Variants in LUZP2 observed in about 807,000 individuals in gnomAD.
The protein encoded by LUZP2 is leucine zipper protein 2.
LUZP2 carries 52 observed loss-of-function variants against 51.6 expected under a neutral mutation model. The observed-to-expected ratio is 1.01, with a 90% confidence interval of 0.81 to 1.27. The LOEUF is 1.27. Among genes scored for constraint, LUZP2 ranks in the 50% most tolerant of loss-of-function variants. The probability of loss-of-function intolerance (pLI) is 0.00; values close to 1 mark genes in which losing one functional copy is unlikely to be tolerated. For synonymous variants in LUZP2, 154 were observed against 137.3 expected (o/e 1.12, Z -0.85); for missense variants, 436 against 395.4 (o/e 1.10, Z -0.87).
At chr11:24,695,404 A>G (rs1018773882) in intron 1 of LUZP2, among the ~76,000 whole-genome samples, 2 of 152,074 alleles carry the variant, frequency 1.3e-5, no homozygotes, top group Non-Finnish European at 2.9e-5. Context: ...TACATTGTGT[A>G]ATGATAAAAT....
At chr11:24,535,832 G>A (rs143992149) in intron 1 of LUZP2, among the ~76,000 whole-genome samples, 139 of 151,696 alleles carry the variant, frequency 9.2e-4, no homozygotes, top group African/African-American at 2.8e-3. Flanking sequence ...GAATCCTTTC[G>A]AGGTTTAAAA....
intron 7 of LUZP2, among the ~76,000 whole-genome samples, chr11:24,975,519 A>G (rs1298599113): frequency 6.6e-6 from 1 of 152,110 alleles, no homozygotes; most frequent in African/African-American, 2.4e-5. Context: ...AGTGAAGAAC[A>G]CAGAGATTAA....
chr11:24,638,819 G>T (rs140838351), intron 1 of LUZP2, among the ~76,000 whole-genome samples: 2,133 of 151,558 alleles, frequency 0.014, 81 homozygotes, highest in Admixed American at 0.077. Context: ...TAGTATTAGG[G>T]ATGAGAATGG....
chr11:24,933,780 C>T (rs1034631124), intron 7 of LUZP2, among the ~76,000 whole-genome samples: 2 of 152,082 alleles, frequency 1.3e-5, no homozygotes, highest in African/African-American at 4.8e-5. Context: ...TTTTAATTAC[C>T]TGGGTGCAGG....
At chr11:24,527,187 T>C (rs543684210) in intron 1 of LUZP2, among the ~76,000 whole-genome samples, 21 of 151,488 alleles carry the variant, frequency 1.4e-4, no homozygotes, top group Non-Finnish European at 3.0e-4. Context: ...TTTGAAGATA[T>C]TTATTTTTTG....
chr11:25,064,093 T>C (rs1249182594), intron 10 of LUZP2, among the ~76,000 whole-genome samples: 6 of 151,962 alleles, frequency 3.9e-5, no homozygotes, highest in Non-Finnish European at 8.8e-5. Context: ...TGTCTGCTTG[T>C]TTACAAAGCA....
At chr11:24,789,008 T>C (rs1482577126) in intron 5 of LUZP2, among the ~76,000 whole-genome samples, 3 of 152,172 alleles carry the variant, frequency 2.0e-5, no homozygotes, top group Non-Finnish European at 4.4e-5. Context: ...TCCAGCCAAA[T>C]TGATGCATAA....
At chr11:24,592,518 G>T (rs906128872) in intron 1 of LUZP2, among the ~76,000 whole-genome samples, 2 of 152,076 alleles carry the variant, frequency 1.3e-5, no homozygotes, top group African/African-American at 4.8e-5. Context: ...AGTTCTCATT[G>T]TCTCAGTATA....
intron 4 of LUZP2, among the ~76,000 whole-genome samples, chr11:24,749,913 G>T (rs1859514319): frequency 6.6e-6 from 1 of 152,104 alleles, no homozygotes; most frequent in South Asian, 2.1e-4. Context: ...CTCTTCCCCA[G>T]CTTTCAGATG....
rs376284801 is a variant in LUZP2 at position 24,833,119 on chromosome 11, G to A, written c.396+69811G>A. Among the ~76,000 whole-genome samples, 29 of 152,282 alleles carry A rather than the reference G, an allele frequency of 1.9e-4. No individual in the cohort carries two copies. The East Asian group carries it at 2.5e-3, about 13-fold the overall frequency. Reference sequence around the variant, plus strand: ...GATTTTGTATTTACAACCATAGTCAGCAAGAGATGAATGAATGCAATGGCA... The same window carrying A: ...GATTTTGTATTTACAACCATAGTCAACAAGAGATGAATGAATGCAATGGCA... On this transcript the variant is annotated intron_variant, in intron 5 of 11. Coordinates refer to ENST00000336930, the MANE Select transcript of LUZP2 (RefSeq NM_001009909.4).
At chr11:24,862,984 A>T (rs1363085494) in intron 5 of LUZP2, among the ~76,000 whole-genome samples, 4 of 152,218 alleles carry the variant, frequency 2.6e-5, no homozygotes, top group African/African-American at 9.6e-5. Flanking sequence ...AGAAATGCAG[A>T]TTGAAACCAC....
chr11:24,721,818 C>T (rs10834452), intron 1 of LUZP2, among the ~76,000 whole-genome samples: 51,912 of 151,756 alleles, frequency 0.34, 9,479 homozygotes, highest in Non-Finnish European at 0.41. Context: ...TGCATTTGAC[C>T]GTGAATAAGT....
At chr11:25,019,280 A>G (rs1409975356) in intron 9 of LUZP2, among the ~76,000 whole-genome samples, 1 of 152,208 alleles carries the variant, frequency 6.6e-6, no homozygotes, top group Non-Finnish European at 1.5e-5. Context: ...ATAGAATGTC[A>G]TACATCATCT....
intron 5 of LUZP2, among the ~76,000 whole-genome samples, chr11:24,881,156 A>G (rs1852454601): frequency 6.6e-6 from 1 of 152,182 alleles, no homozygotes; most frequent in South Asian, 2.1e-4. Flanking sequence ...TGTAGTAATC[A>G]TAACTTATGA....
intron 5 of LUZP2, among the ~76,000 whole-genome samples, chr11:24,798,198 A>G (rs1446742912): frequency 1.2e-5 from 1 of 86,150 alleles, no homozygotes. Context: ...GGCATCTTAT[A>G]TTTCTTTTTT....
chr11:24,967,193 A>G (rs1855608894), intron 7 of LUZP2, among the ~76,000 whole-genome samples: 1 of 151,836 alleles, frequency 6.6e-6, no homozygotes, highest in South Asian at 2.1e-4. Flanking sequence ...TTGGAGACAC[A>G]TTTTAAAAAT....
intron 5 of LUZP2, among the ~76,000 whole-genome samples, chr11:24,844,988 G>T (rs528011450): frequency 0.078 from 28 of 358 alleles, no homozygotes; most frequent in African/African-American, 0.23. Flanking sequence ...GGGAATGTGG[G>T]GCCACAGCCC....
chr11:24,536,699 C>A (rs997846573), intron 1 of LUZP2, among the ~76,000 whole-genome samples: 2 of 151,802 alleles, frequency 1.3e-5, no homozygotes, highest in African/African-American at 4.8e-5. Flanking sequence ...AAGTTTGTTT[C>A]ACTTTCTTAT....
chr11:24,886,450 T>C (rs964144729), intron 5 of LUZP2, among the ~76,000 whole-genome samples: 1 of 152,186 alleles, frequency 6.6e-6, no homozygotes, highest in African/African-American at 2.4e-5. Flanking sequence ...TAAGAAAATA[T>C]ACTAATGCCA....
Sources: allele counts gnomAD v4.1 joint callset (sites outside exome capture counted in the v4.1 genomes callset), GRCh38; gene constraint gnomAD v4.1.1; transcripts MANE v1.5; gene names NCBI Gene and HGNC (gene_info 2026-07-23, HGNC 2026-07-21).